PALLD: variants seen among roughly 807,000 people sequenced by gnomAD.
PALLD encodes palladin.
A neutral mutation model predicts 123.5 loss-of-function variants in PALLD; 61 were observed. The ratio of observed to expected loss-of-function variants is 0.49; its 90% CI spans 0.40 to 0.61. The LOEUF (loss-of-function observed/expected upper bound fraction) is 0.61. Among genes scored for constraint, PALLD ranks in the 20% least tolerant of loss-of-function variants. The pLI, the probability that PALLD is intolerant of heterozygous loss-of-function variation, is 0.00. For synonymous variants in PALLD, 465 were observed against 496.4 expected, an observed-to-expected ratio of 0.94 and a Z score of 0.84; for missense variants, 1,273 against 1,377.0, an observed-to-expected ratio of 0.92 and a Z score of 1.20.
At chr4:168,564,831 G>C (rs970219086) in intron 2 of PALLD, among the ~76,000 whole-genome samples, 2 of 152,068 alleles carry the variant, frequency 1.3e-5, no homozygotes, top group Non-Finnish European at 2.9e-5. Flanking sequence ...ATCAAAAGCA[G>C]ATCCACCCTC....
chr4:168,576,012 A>G (rs1769535618), intron 2 of PALLD, among the ~76,000 whole-genome samples: 1 of 152,138 alleles, frequency 6.6e-6, no homozygotes, highest in Non-Finnish European at 1.5e-5. Context: ...CCACAATTGG[A>G]GGAAAACTGG....
At chr4:168,807,816 C>T (rs182799843) in intron 10 of PALLD, among the ~76,000 whole-genome samples, 12 of 152,268 alleles carry the variant, frequency 7.9e-5, no homozygotes, top group East Asian at 1.9e-4. Flanking sequence ...AGTGATTCTC[C>T]TGCCTCAGCC....
chr4:168,552,967 C>A (rs544612945), intron 2 of PALLD, among the ~76,000 whole-genome samples: 1 of 152,232 alleles, frequency 6.6e-6, no homozygotes, highest in South Asian at 2.1e-4. Flanking sequence ...GGTGCCACCA[C>A]GCCCAGACAA....
At chr4:168,624,517 C>A (rs548208464) in intron 2 of PALLD, among the ~76,000 whole-genome samples, 81 of 152,148 alleles carry the variant, frequency 5.3e-4, no homozygotes, top group African/African-American at 1.9e-3. Flanking sequence ...ATCACTGAAG[C>A]CATTTCCATT....
At chr4:168,548,002 G>A (rs1766337364) in intron 2 of PALLD, among the ~76,000 whole-genome samples, 1 of 150,276 alleles carries the variant, frequency 6.7e-6, no homozygotes, top group South Asian at 2.1e-4. Flanking sequence ...CCGAGAATGT[G>A]CCACTGCATT....
chr4:168,600,006 T>TATACATACATGTGTGTACACACAC (rs1561290763), intron 2 of PALLD, among the ~76,000 whole-genome samples: 3 of 129,500 alleles, frequency 2.3e-5, no homozygotes, highest in Admixed American at 7.3e-5. Flanking sequence ...CACACACGTA[T>TATACATACATGTGTGTACACACAC]ATACATACAT....
intron 2 of PALLD, among the ~76,000 whole-genome samples, chr4:168,623,946 A>G (rs1017086488): frequency 6.6e-6 from 1 of 152,244 alleles, no homozygotes; most frequent in Non-Finnish European, 1.5e-5. Context: ...CGGAAAAGAC[A>G]TAACATAATA....
At position 168,774,380 on chromosome 4, in the gene PALLD, A is replaced by G. The variant is rs916322643; in HGVS notation, c.1964+62457A>G. 3.9e-5 allele frequency among the ~76,000 whole-genome samples: 6 copies of G among 152,186 alleles called. No homozygotes were observed. The East Asian group carries it at 5.8e-4, about 15-fold the overall frequency. On this transcript the variant is annotated intron_variant, in intron 10 of 21. Coordinates refer to ENST00000505667, the MANE Select transcript of PALLD (RefSeq NM_001166108.2). ...AAAGAGCACATATTTAACGTATGCA[A>G]TGTAATAAGTTTTGACATATGTACA...
intron 3 of PALLD, among the ~76,000 whole-genome samples, chr4:168,674,172 C>T (rs1378782477): frequency 6.6e-6 from 1 of 152,184 alleles, no homozygotes. Flanking sequence ...ACCTTGGCCT[C>T]CCAAAGTGCT....
intron 10 of PALLD, among the ~76,000 whole-genome samples, chr4:168,771,680 G>A (rs889303215): frequency 4.6e-5 from 7 of 152,052 alleles, no homozygotes; most frequent in African/African-American, 1.7e-4. Flanking sequence ...TCTACACTTG[G>A]TCTCAGCCAT....
chr4:168,523,737 A>G lies in PALLD; in HGVS notation c.908+11325A>G, dbSNP rs1413566069. On this transcript the variant is annotated intron_variant, in intron 2 of 21. Coordinates refer to ENST00000505667, the MANE Select transcript of PALLD (RefSeq NM_001166108.2). ...AAGTTAACACCAGAAGCACGGTAACATTCAACCACCATCATATATGTCTGT... is the reference window on the plus strand; with the variant it reads ...AAGTTAACACCAGAAGCACGGTAACGTTCAACCACCATCATATATGTCTGT... Among the ~76,000 whole-genome samples the G allele has an allele frequency of 2.0e-5, 3 of 152,328 alleles. No individual in the cohort carries two copies. In the South Asian group the frequency reaches 6.2e-4, roughly 32 times the overall value.
chr4:168,533,717 C>A (rs1764825001), intron 2 of PALLD, among the ~76,000 whole-genome samples: 1 of 151,896 alleles, frequency 6.6e-6, no homozygotes, highest in Non-Finnish European at 1.5e-5. Context: ...GGTGAGCAGA[C>A]AAGAAAGAAA....
chr4:168,706,888 C>T (rs192885136), intron 8 of PALLD, among the ~76,000 whole-genome samples: 1 of 152,162 alleles, frequency 6.6e-6, no homozygotes, highest in Non-Finnish European at 1.5e-5. Context: ...CTGCATTTGC[C>T]TTTGAAGAGT....
intron 2 of PALLD, among the ~76,000 whole-genome samples, chr4:168,521,640 C>T (rs1763575179): frequency 6.6e-6 from 1 of 152,208 alleles, no homozygotes; most frequent in South Asian, 2.1e-4. Flanking sequence ...TTAAAATCTT[C>T]ATACTGCCAT....
At position 168,768,791 on chromosome 4, in the gene PALLD, G is replaced by A. The variant is rs567777387; in HGVS notation, c.1964+56868G>A. 1.3e-3 allele frequency among the ~76,000 whole-genome samples: 198 copies of A among 152,174 alleles called. 1 individual carries two copies. The highest frequency in any genetic ancestry group is 4.5e-3 in the African/African-American group (188 of 41,538). ...GGGTTCAAGCAATTCCCATGCCACA[G>A]CCTCCTGAGTAGCTGGGGCTACAGG... On this transcript the variant is annotated intron_variant, in intron 10 of 21. Coordinates refer to ENST00000505667, the MANE Select transcript of PALLD (RefSeq NM_001166108.2).
At position 168,896,571 on chromosome 4, in the gene PALLD, C is replaced by A; in HGVS notation, c.2222C>A (p.Ser741Tyr). ...ANQDIGSPHASVGSPLDGQKE... is the reference protein window; with the variant it reads ...ANQDIGSPHAYVGSPLDGQKE... ...CAGGACATTGGTTCTCCTCATGCTT[C>A]TGTAGGGAGTCCTCTGGATGGTCAA... Residue 741 changes from serine to tyrosine, a missense_variant, in exon 13 of 22, where the codon TCT (serine) becomes TAT (tyrosine). Transcript: ENST00000505667. 2 of 1,516,546 alleles carry A rather than the reference C, an allele frequency of 1.3e-6. No individual in the cohort carries two copies. Among genetic ancestry groups the A allele is most frequent in the Non-Finnish European group, 1.8e-6 (2 of 1,128,282 alleles). 93.9% of individuals were successfully genotyped at this position (1,516,546 alleles called of 1,614,324 possible).
intron 10 of PALLD, among the ~76,000 whole-genome samples, chr4:168,820,668 G>A (rs1742583972): frequency 6.6e-6 from 1 of 151,962 alleles, no homozygotes; most frequent in African/African-American, 2.4e-5. Flanking sequence ...GAAAGTTTTT[G>A]AAAATACACC....
At chr4:168,736,757 G>A (rs1383654262) in intron 10 of PALLD, among the ~76,000 whole-genome samples, 3 of 152,102 alleles carry the variant, frequency 2.0e-5, no homozygotes, top group Non-Finnish European at 4.4e-5. Context: ...CCCACAACAT[G>A]TTTTAAAACA....
At chr4:168,654,045 T>G (rs927562630) in intron 2 of PALLD, among the ~76,000 whole-genome samples, 1 of 151,964 alleles carries the variant, frequency 6.6e-6, no homozygotes, top group Admixed American at 6.6e-5. Context: ...GGCTTCAAAC[T>G]CCTGGGCTCA....
Sources: gnomAD v4.1 joint callset for allele counts (sites outside exome capture counted in the v4.1 genomes callset) on GRCh38, gnomAD v4.1.1 for gene constraint, MANE v1.5 for transcripts, NCBI Gene and HGNC (gene_info 2026-07-23, HGNC 2026-07-21) for gene names.